STPG2: variants seen among roughly 807,000 people sequenced by gnomAD.
STPG2 encodes sperm-tail PG-rich repeat-containing protein 2.
A neutral mutation model predicts 54.2 loss-of-function variants in STPG2; 56 were observed. That is an observed-to-expected ratio of 1.03 (90% CI 0.83 to 1.29). The LOEUF (loss-of-function observed/expected upper bound fraction) is 1.29, where lower values mean the gene tolerates loss of function less well. Ranked by LOEUF, STPG2 falls within the 50% of genes most tolerant of loss-of-function variation. The pLI, the probability that STPG2 is intolerant of heterozygous loss-of-function variation, is 0.00. For synonymous variants in STPG2, 200 were observed against 181.8 expected (o/e 1.10, Z -0.81); for missense variants, 596 against 544.9 (o/e 1.09, Z -0.93).
chr4:97,574,987 C>T (rs1732688182), intron 10 of STPG2, among the ~76,000 whole-genome samples: 3 of 151,658 alleles, frequency 2.0e-5, no homozygotes, highest in Admixed American at 2.0e-4. Context: ...TACAAAAGAT[C>T]CTTAGAGACT....
chr4:97,658,685 T>C (rs1722288162), intron 10 of STPG2, among the ~76,000 whole-genome samples: 1 of 152,100 alleles, frequency 6.6e-6, no homozygotes, highest in Non-Finnish European at 1.5e-5. Flanking sequence ...TGGACATGAG[T>C]GGGACACTTT....
intron 8 of STPG2, among the ~76,000 whole-genome samples, chr4:97,942,706 T>G (rs1454005855): frequency 6.6e-6 from 1 of 152,166 alleles, no homozygotes; most frequent in African/African-American, 2.4e-5. Context: ...TAGTTCATCA[T>G]GATCTTGTAC....
At chr4:97,781,689 T>C (rs1000411000) in intron 9 of STPG2, among the ~76,000 whole-genome samples, 4 of 152,098 alleles carry the variant, frequency 2.6e-5, no homozygotes, top group Non-Finnish European at 4.4e-5. Context: ...ATGAATAAAA[T>C]ACTGGCAAAC....
At chr4:98,119,467 T>C (rs774606885) in intron 3 of STPG2, among the ~76,000 whole-genome samples, 3 of 152,140 alleles carry the variant, frequency 2.0e-5, no homozygotes, top group Non-Finnish European at 4.4e-5. Context: ...AAATGCAACA[T>C]GTAATATCAG....
At chr4:97,787,855 A>G (rs1436670005) in intron 9 of STPG2, among the ~76,000 whole-genome samples, 1 of 151,730 alleles carries the variant, frequency 6.6e-6, no homozygotes, top group East Asian at 1.9e-4. Flanking sequence ...GCTATTTTAT[A>G]TAAGCTGTCA....
intron 4 of STPG2, among the ~76,000 whole-genome samples, chr4:97,515,993 A>G (rs1314084206): frequency 6.6e-6 from 1 of 152,164 alleles, no homozygotes; most frequent in Non-Finnish European, 1.5e-5. Flanking sequence ...ATGCAAACAG[A>G]TGATGCAAGT....
At chr4:97,640,753 C>G (rs1578447085) in intron 10 of STPG2, among the ~76,000 whole-genome samples, 1 of 151,160 alleles carries the variant, frequency 6.6e-6, no homozygotes, top group African/African-American at 2.4e-5. Context: ...AATTGTTAAA[C>G]TTTCATATTG....
At position 97,708,256 on chromosome 4, in the gene STPG2, T is replaced by C. The variant is rs575500807; in HGVS notation, c.1320+4443A>G. 4.8e-3 allele frequency among the ~76,000 whole-genome samples: 732 copies of C among 152,060 alleles called. 7 individuals are homozygous for C. The highest frequency in any genetic ancestry group is 8.6e-3 in the Non-Finnish European group (583 of 67,898). ...AATGGTTTTTTTGAAAAATAAAATC[T>C]AAAAAAATTCACTTGGCAAAGGAAA... is the stretch of plus-strand genomic sequence containing the variant. On this transcript the variant is annotated intron_variant, in intron 10 of 10. Transcript: ENST00000295268.
intron 4 of STPG2, among the ~76,000 whole-genome samples, chr4:97,518,499 C>T (rs2148845647): frequency 6.6e-6 from 1 of 152,068 alleles, no homozygotes; most frequent in South Asian, 2.1e-4. Flanking sequence ...GTTTTAAATG[C>T]AATGAGTATA....
intron 3 of STPG2, among the ~76,000 whole-genome samples, chr4:98,109,531 A>C (rs1030112368): frequency 6.6e-6 from 1 of 152,148 alleles, no homozygotes; most frequent in African/African-American, 2.4e-5. Flanking sequence ...AGTACCTCTA[A>C]CATTAGCATA....
chr4:97,565,462 T>C (rs1252420658), intron 10 of STPG2, among the ~76,000 whole-genome samples: 1 of 152,350 alleles, frequency 6.6e-6, no homozygotes, highest in South Asian at 2.1e-4. Context: ...TCCAGCTTTG[T>C]TCCATTGCTG....
chr4:97,909,193 C>A (rs1731581062), intron 8 of STPG2, among the ~76,000 whole-genome samples: 2 of 151,274 alleles, frequency 1.3e-5, no homozygotes, highest in African/African-American at 4.9e-5. Flanking sequence ...AATTATATAT[C>A]CTAGAAACAT....
chr4:97,696,040 A>C (rs574053074), intron 10 of STPG2, among the ~76,000 whole-genome samples: 1 of 152,282 alleles, frequency 6.6e-6, no homozygotes, highest in Admixed American at 6.5e-5. Flanking sequence ...AAACCAAAAA[A>C]AGAGCCCACA....
At chr4:97,735,376 T>C (rs1199188675) in intron 9 of STPG2, among the ~76,000 whole-genome samples, 4 of 151,300 alleles carry the variant, frequency 2.6e-5, no homozygotes, top group Non-Finnish European at 5.9e-5. Flanking sequence ...AATAGAGTGA[T>C]ACAATGTACT....
chr4:97,815,154 T>C (rs1727867647), intron 9 of STPG2, among the ~76,000 whole-genome samples: 1 of 152,094 alleles, frequency 6.6e-6, no homozygotes, highest in Admixed American at 6.6e-5. Context: ...GAAAACATAA[T>C]GGTAGCGAAA....
At chr4:97,672,545 A>G (rs1245862051) in intron 10 of STPG2, among the ~76,000 whole-genome samples, 1 of 152,194 alleles carries the variant, frequency 6.6e-6, no homozygotes, top group Non-Finnish European at 1.5e-5. Context: ...GTAAAAATTA[A>G]TGCAAGCTAT....
At chr4:98,033,166 C>T (rs1310407344) in intron 5 of STPG2, among the ~76,000 whole-genome samples, 1 of 151,364 alleles carries the variant, frequency 6.6e-6, no homozygotes. Flanking sequence ...AATCCAGGAG[C>T]TAGTTTTTTG....
intron 10 of STPG2, among the ~76,000 whole-genome samples, chr4:97,568,895 GTTTTGTTTTTTT>G (rs1309816860): frequency 7.6e-6 from 1 of 130,812 alleles, no homozygotes; most frequent in Middle Eastern, 3.9e-3. Flanking sequence ...TTTGTTTTTT[GTTTTGTTTTTTT>G]TTTTGTTTGT....
chr4:98,104,308 T>C (rs1270037250), intron 5 of STPG2, among the ~76,000 whole-genome samples: 1 of 152,156 alleles, frequency 6.6e-6, no homozygotes, highest in Non-Finnish European at 1.5e-5. Context: ...AAATTTAAAT[T>C]AAAATTTTTT....
Sources: allele counts gnomAD v4.1 joint callset (sites outside exome capture counted in the v4.1 genomes callset), GRCh38; gene constraint gnomAD v4.1.1; transcripts MANE v1.5; gene names NCBI Gene and HGNC (gene_info 2026-07-23, HGNC 2026-07-21).